The following LAPTM5 variants were observed in gnomAD, a reference collection of about 807,000 sequenced individuals.
LAPTM5 encodes the protein lysosomal protein transmembrane 5.
A neutral mutation model predicts 30.1 loss-of-function variants in LAPTM5; 11 were observed. That is an observed-to-expected ratio of 0.37 (90% CI 0.23 to 0.60). The LOEUF (loss-of-function observed/expected upper bound fraction) is 0.60, where lower values mean the gene tolerates loss of function less well. Ranked by LOEUF, LAPTM5 falls within the 20% of genes least tolerant of loss-of-function variation. LAPTM5 has a pLI of 0.71. For synonymous variants in LAPTM5, 151 were observed against 137.9 expected, an observed-to-expected ratio of 1.10 and a Z score of -0.67; for missense variants, 324 against 332.5, an observed-to-expected ratio of 0.97 and a Z score of 0.20.
intron 1 of LAPTM5, among the ~76,000 whole-genome samples, chr1:30,756,273 C>G (rs186087067): frequency 6.6e-6 from 1 of 152,302 alleles, no homozygotes; most frequent in African/African-American, 2.4e-5. Flanking sequence ...TTGGCAGGAG[C>G]TCGGAAGGAC....
chr1:30,739,842 G>A lies in LAPTM5; in HGVS notation c.354C>T (p.Pro118=), dbSNP rs761135343. The A allele has an allele frequency of 1.9e-5, 30 of 1,605,796 alleles. No homozygotes were observed. The highest frequency in any genetic ancestry group is 3.3e-5 in the South Asian group (3 of 89,872). ...TCCGGGAGGCCAACTTGAGGTAGGC[G>A]GGCAGCTCAATGTAGGAGCCCAGCA... ...LTLLGSYIEL[P]AYLKLASRSR... Residue 118 remains proline (P), a synonymous_variant, in exon 4 of 8, where the codon CCC becomes CCT. Coordinates refer to ENST00000294507, the MANE Select transcript of LAPTM5 (RefSeq NM_006762.3). The surrounding 1 kb of genome is among the most constrained non-coding windows in gnomAD (Gnocchi z 4.2).
At chr1:30,754,509 C>T (rs1312702434) in intron 1 of LAPTM5, among the ~76,000 whole-genome samples, 1 of 152,112 alleles carries the variant, frequency 6.6e-6, no homozygotes, top group African/African-American at 2.4e-5. Flanking sequence ...GCATTCCAGC[C>T]TGGGTGACAG....
At chr1:30,742,699 G>C in intron 1 of LAPTM5, 150 bp from the exon 2 acceptor site, 1 of 653,116 alleles carries the variant, frequency 1.5e-6, no homozygotes, top group Non-Finnish European at 2.7e-6. Context: ...TCAGACAAAA[G>C]AGTGGCCTTT....
chr1:30,747,132 G>A (rs1640060233), intron 1 of LAPTM5, among the ~76,000 whole-genome samples: 1 of 152,188 alleles, frequency 6.6e-6, no homozygotes, highest in Admixed American at 6.5e-5. Flanking sequence ...AAAACTTAGG[G>A]AGAATTTCAC....
rs115805953 is a variant in LAPTM5 at position 30,753,409 on chromosome 1, C to T, written c.87+4250G>A. Reference sequence around the variant, plus strand: ...AACTTTACAAAGGAGTAACCTCAGCCGGGGGCTCAAAGTCACCAGCAACAG... The same window carrying T: ...AACTTTACAAAGGAGTAACCTCAGCTGGGGGCTCAAAGTCACCAGCAACAG... On this transcript the variant is annotated intron_variant, in intron 1 of 7. Transcript: ENST00000294507. Among the ~76,000 whole-genome samples, 973 of 152,154 alleles carry T rather than the reference C, an allele frequency of 6.4e-3. 9 individuals are homozygous for T. The highest frequency in any genetic ancestry group is 0.018 in the African/African-American group (742 of 41,486).
chr1:30,754,739 G>A (rs1320579485), intron 1 of LAPTM5, among the ~76,000 whole-genome samples: 1 of 152,218 alleles, frequency 6.6e-6, no homozygotes, highest in East Asian at 1.9e-4. Flanking sequence ...CTACGGACCA[G>A]GCTTCCCTCA....
chr1:30,752,304 G>A (rs1640148650), intron 1 of LAPTM5, among the ~76,000 whole-genome samples: 1 of 152,224 alleles, frequency 6.6e-6, no homozygotes. Flanking sequence ...TGCAAAATGA[G>A]CTGATAGGCC....
At chr1:30,749,026 T>C (rs942045749) in intron 1 of LAPTM5, among the ~76,000 whole-genome samples, 1 of 152,236 alleles carries the variant, frequency 6.6e-6, no homozygotes, top group African/African-American at 2.4e-5. Context: ...TGCCTGTGTG[T>C]GGACACCCAG....
chr1:30,756,596 C>G (rs1336357827), intron 1 of LAPTM5, among the ~76,000 whole-genome samples: 1 of 152,204 alleles, frequency 6.6e-6, no homozygotes, highest in African/African-American at 2.4e-5. Flanking sequence ...GAGTCTGCAT[C>G]CAGAGGCCGT....
At chr1:30,755,203 G>A (rs963757337) in intron 1 of LAPTM5, among the ~76,000 whole-genome samples, 15 of 151,726 alleles carry the variant, frequency 9.9e-5, no homozygotes, top group African/African-American at 3.6e-4. Context: ...GGAGAGATTG[G>A]GCCCCATAAC....
chr1:30,746,061 C>A lies in LAPTM5; in HGVS notation c.88-3512G>T, dbSNP rs959220226. 2.6e-5 allele frequency: 4 copies of A among 152,310 alleles called. No individual in the cohort carries two copies. Among genetic ancestry groups the A allele is most frequent in the Admixed American group, 1.3e-4 (2 of 15,278 alleles). The allele number at this position is 152,310 out of a possible 1,614,324, so 9.4% of individuals were successfully genotyped here. On this transcript the variant is annotated intron_variant, in intron 1 of 7. Transcript: ENST00000294507. This position sits in a 1 kb window ranked among gnomAD's most constrained non-coding sequence, Gnocchi z 4.0. ...GCCCACCCTTCCCTGGCAACCAAGC[C>A]CCAGCCCCAGCCACTCAGAGCTCAG...
At chr1:30,736,324 C>G (rs1225940235) in intron 6 of LAPTM5, among the ~76,000 whole-genome samples, 1 of 152,194 alleles carries the variant, frequency 6.6e-6, no homozygotes, top group Non-Finnish European at 1.5e-5. Flanking sequence ...CCACCCACCA[C>G]CACAGAAAGG....
intron 5 of LAPTM5, among the ~76,000 whole-genome samples, chr1:30,738,560 G>A (rs1009548613): frequency 6.6e-6 from 1 of 152,222 alleles, no homozygotes; most frequent in Admixed American, 6.5e-5. Flanking sequence ...CTGATCCTCA[G>A]AAGCTGTGTG....
chr1:30,734,941 C>T (rs927539140), intron 7 of LAPTM5, among the ~76,000 whole-genome samples: 21 of 152,136 alleles, frequency 1.4e-4, no homozygotes, highest in Admixed American at 1.1e-3. Context: ...TTTCTCTGCG[C>T]CTCCTGGAAT....
Position 30,745,697 on chromosome 1 carries a change from T to C in LAPTM5, c.88-3148A>G, listed in dbSNP as rs114662190. On this transcript the variant is annotated intron_variant, in intron 1 of 7. Coordinates refer to ENST00000294507, the MANE Select transcript of LAPTM5 (RefSeq NM_006762.3). ...GAGGGGCCCCGACCTTCCACGAAGA[T>C]GCCAGGCCCTGACCCAGGAGAAAGG... 4.7e-3 allele frequency among the ~76,000 whole-genome samples: 711 copies of C among 152,302 alleles called. 7 individuals are homozygous for C. The highest frequency in any genetic ancestry group is 0.016 in the African/African-American group (673 of 41,562).
Position 30,739,531 on chromosome 1 carries a change from CACTG to C in LAPTM5, c.387+274_387+277del, listed in dbSNP as rs777848573. 2.0e-5 allele frequency among the ~76,000 whole-genome samples: 3 copies of C among 152,168 alleles called. No individual in the cohort carries two copies. Among genetic ancestry groups the C allele is most frequent in the Non-Finnish European group, 4.4e-5 (3 of 68,032 alleles). On this transcript the variant is annotated intron_variant, in intron 4 of 7. Coordinates refer to ENST00000294507, the MANE Select transcript of LAPTM5 (RefSeq NM_006762.3). This position sits in a 1 kb window ranked among gnomAD's most constrained non-coding sequence, Gnocchi z 4.2. ...TCAGGTGTCAATTCACTCCCAGCAG[CACTG>C]ACTGAGTGCTGACCATGGGCTGCAC...
rs573132949 is a variant in LAPTM5 at position 30,746,710 on chromosome 1, G to A, written c.88-4161C>T. Among the ~76,000 whole-genome samples the A allele has an allele frequency of 2.2e-4, 33 of 152,250 alleles. 1 individual carries two copies. Among genetic ancestry groups the A allele is most frequent in the African/African-American group, 7.9e-4 (33 of 41,542 alleles). On this transcript the variant is annotated intron_variant, in intron 1 of 7. Transcript: ENST00000294507. The surrounding 1 kb of genome is among the most constrained non-coding windows in gnomAD (Gnocchi z 4.0). ...TCATGAAGATAAGAGCTCGGGTGCT[G>A]GGGTCAGATGGCCCCAGGCCCCAGC...
intron 1 of LAPTM5, among the ~76,000 whole-genome samples, chr1:30,755,944 G>T (rs979938532): frequency 1.3e-5 from 2 of 152,194 alleles, no homozygotes; most frequent in Non-Finnish European, 2.9e-5. Flanking sequence ...GTCACCGCAG[G>T]CCCCATCTGC....
At chr1:30,741,220 A>T (rs1457047783) in intron 3 of LAPTM5, among the ~76,000 whole-genome samples, 1 of 152,170 alleles carries the variant, frequency 6.6e-6, no homozygotes, top group South Asian at 2.1e-4. Flanking sequence ...ATAGAGCTGC[A>T]TGCATCCTAC....
Sources: gnomAD v4.1 joint callset for allele counts (sites outside exome capture counted in the v4.1 genomes callset) on GRCh38, gnomAD v4.1.1 for gene constraint, Gnocchi (gnomAD v3.1) non-coding constraint, MANE v1.5 for transcripts, NCBI Gene and HGNC (gene_info 2026-07-23, HGNC 2026-07-21) for gene names.